Variants in SNX24 observed in about 807,000 individuals in gnomAD.
SNX24 encodes the protein sorting nexin-24.
Under a neutral mutation model 28.7 loss-of-function variants are expected in SNX24, and 22 were observed. The observed-to-expected ratio is 0.77, with a 90% CI of 0.55 to 1.10. The LOEUF (loss-of-function observed/expected upper bound fraction) is 1.10, where lower values mean the gene tolerates loss of function less well. Ranked by LOEUF, SNX24 falls within the 50% of genes least tolerant of loss-of-function variation. The probability of loss-of-function intolerance (pLI) is 0.00; values close to 1 mark genes in which losing one functional copy is unlikely to be tolerated. For missense variants in SNX24, 221 were observed against 201.1 expected (o/e 1.10, Z -0.60); for synonymous variants, 69 against 71.5 (o/e 0.96, Z 0.18).
chr5:122,922,807 T>C (rs1758497759), intron 1 of SNX24, among the ~76,000 whole-genome samples: 1 of 152,186 alleles, frequency 6.6e-6, no homozygotes. Flanking sequence ...ATATTCATTA[T>C]TTGTTTTCTG....
chr5:122,965,230 C>T (rs572256247), intron 3 of SNX24, among the ~76,000 whole-genome samples: 4 of 152,306 alleles, frequency 2.6e-5, no homozygotes, highest in East Asian at 1.9e-4. Flanking sequence ...GAACAGTGTT[C>T]CAACAACAAG....
At chr5:122,925,889 G>C (rs1758673213) in intron 1 of SNX24, among the ~76,000 whole-genome samples, 1 of 152,134 alleles carries the variant, frequency 6.6e-6, no homozygotes, top group Non-Finnish European at 1.5e-5. Flanking sequence ...TGTTAACAGT[G>C]AACAAAACCG....
intron 3 of SNX24, among the ~76,000 whole-genome samples, chr5:122,955,998 G>A (rs115082360): frequency 0.014 from 2,190 of 152,160 alleles, 42 homozygotes; most frequent in Middle Eastern, 0.034. Flanking sequence ...CAAATTTTCC[G>A]TCTTGCTAGG....
chr5:122,982,735 T>C (rs185171702), intron 3 of SNX24, among the ~76,000 whole-genome samples: 1 of 152,352 alleles, frequency 6.6e-6, no homozygotes, highest in East Asian at 1.9e-4. Flanking sequence ...GGGTTTGCTT[T>C]GCTTTGTAGG....
chr5:122,960,320 G>A (rs147002279), intron 3 of SNX24, among the ~76,000 whole-genome samples: 1 of 152,250 alleles, frequency 6.6e-6, no homozygotes, highest in African/African-American at 2.4e-5. Flanking sequence ...TTGATAAGCA[G>A]TGTTGTACTA....
At chr5:122,982,116 A>G (rs1322384796) in intron 3 of SNX24, among the ~76,000 whole-genome samples, 1 of 152,186 alleles carries the variant, frequency 6.6e-6, no homozygotes, top group East Asian at 1.9e-4. Flanking sequence ...CCTTTTCTGT[A>G]TTAATTTTGT....
At chr5:122,952,282 A>G (rs1408062858) in intron 3 of SNX24, among the ~76,000 whole-genome samples, 1 of 152,244 alleles carries the variant, frequency 6.6e-6, no homozygotes, top group Non-Finnish European at 1.5e-5. Flanking sequence ...TTCTATGCAG[A>G]ATACGTGCAG....
intron 1 of SNX24, among the ~76,000 whole-genome samples, chr5:122,850,706 G>C (rs1754872089): frequency 6.6e-6 from 1 of 151,584 alleles, no homozygotes. Flanking sequence ...TTGGTGATGG[G>C]TATAGCTATT....
chr5:122,940,665 A>G (rs1759402245), intron 2 of SNX24, among the ~76,000 whole-genome samples: 2 of 152,128 alleles, frequency 1.3e-5, no homozygotes, highest in African/African-American at 2.4e-5. Flanking sequence ...TCCGTCTCCC[A>G]GGTTCAAACG....
At chr5:122,988,718 C>A (rs1312365971) in intron 3 of SNX24, among the ~76,000 whole-genome samples, 1 of 152,136 alleles carries the variant, frequency 6.6e-6, no homozygotes, top group African/African-American at 2.4e-5. Context: ...GGATATTTTT[C>A]TAGATAATCA....
intron 3 of SNX24, among the ~76,000 whole-genome samples, chr5:122,990,867 G>A (rs777442177): frequency 6.6e-6 from 1 of 152,054 alleles, no homozygotes; most frequent in South Asian, 2.1e-4. Flanking sequence ...TTACAGGTAC[G>A]TAGCTAGTTT....
chr5:122,957,243 G>A (rs1760253375), intron 3 of SNX24, among the ~76,000 whole-genome samples: 1 of 152,144 alleles, frequency 6.6e-6, no homozygotes, highest in African/African-American at 2.4e-5. Flanking sequence ...TGGACATCCA[G>A]TTTTCCTAGC....
intron 1 of SNX24, among the ~76,000 whole-genome samples, chr5:122,850,197 T>C (rs1436134073): frequency 6.6e-6 from 1 of 152,224 alleles, no homozygotes; most frequent in East Asian, 1.9e-4. Context: ...TTCTCACAGT[T>C]CTGGAGGCTG....
At position 122,909,594 on chromosome 5, in the gene SNX24, G is replaced by A. The variant is rs1019644553; in HGVS notation, c.61-27140G>A. Reference sequence around the variant, plus strand: ...GACAGCTGCCTTAACCTGGCCTGCCGTGAAGAGTAGAGGGCAGTGTTAAAT... The same window carrying A: ...GACAGCTGCCTTAACCTGGCCTGCCATGAAGAGTAGAGGGCAGTGTTAAAT... On this transcript the variant is annotated intron_variant, in intron 1 of 6. Transcript: ENST00000261369. Among the ~76,000 whole-genome samples, 45 of 152,188 alleles carry A rather than the reference G, an allele frequency of 3.0e-4. 1 individual carries two copies. The highest frequency in any genetic ancestry group is 1.0e-3 in the African/African-American group (42 of 41,436).
intron 1 of SNX24, among the ~76,000 whole-genome samples, chr5:122,859,036 C>T (rs2150039598): frequency 6.6e-6 from 1 of 152,266 alleles, no homozygotes; most frequent in South Asian, 2.1e-4. Flanking sequence ...GTGTGAGCAA[C>T]CAGGACCAGC....
At chr5:123,009,502 T>C (rs1762520437), downstream of SNX24, among the ~76,000 whole-genome samples, 1 of 152,272 alleles carries the variant, frequency 6.6e-6, no homozygotes, top group Non-Finnish European at 1.5e-5. Context: ...TTCTTAGTGA[T>C]GACTTTCGCT....
At chr5:122,983,081 T>C (rs2150157893) in intron 3 of SNX24, 1 of 152,168 alleles carries the variant, frequency 6.6e-6, no homozygotes, top group South Asian at 2.1e-4. Flanking sequence ...ATAAGACCAC[T>C]GGTGCTATTT....
intron 6 of SNX24, among the ~76,000 whole-genome samples, chr5:123,005,340 G>A (rs541839141): frequency 2.6e-5 from 4 of 152,090 alleles, no homozygotes; most frequent in South Asian, 2.1e-4. Context: ...CCCTTCTCCC[G>A]GACACCCTCC....
chr5:122,958,306 T>G (rs1241689321), intron 3 of SNX24, among the ~76,000 whole-genome samples: 1 of 152,120 alleles, frequency 6.6e-6, no homozygotes, highest in Non-Finnish European at 1.5e-5. Flanking sequence ...CAGGCTGGAA[T>G]GCAATGGCAT....
Sources: allele counts gnomAD v4.1 joint callset (sites outside exome capture counted in the v4.1 genomes callset), GRCh38; gene constraint gnomAD v4.1.1; transcripts MANE v1.5; gene names NCBI Gene and HGNC (gene_info 2026-07-23, HGNC 2026-07-21).